CMIP: variants seen among roughly 807,000 people sequenced by gnomAD.
The protein encoded by CMIP is c-Maf inducing protein, also known as C-Maf-inducing protein.
In CMIP, 13 loss-of-function variants were observed where a neutral mutation model predicts 97.3. That is an observed-to-expected ratio of 0.13 (90% confidence interval 0.09 to 0.21). The LOEUF (loss-of-function observed/expected upper bound fraction) is 0.21. CMIP is among the 10% of genes least tolerant of loss of function. The pLI, the probability that CMIP is intolerant of heterozygous loss-of-function variation, is 1.00. For synonymous variants in CMIP, 538 were observed against 436.3 expected (o/e 1.23, Z -2.91); for missense variants, 847 against 1,024.9 (o/e 0.83, Z 2.37).
At chr16:81,451,290 C>T (rs562616073) in intron 1 of CMIP, among the ~76,000 whole-genome samples, 50 of 152,298 alleles carry the variant, frequency 3.3e-4, no homozygotes, top group Admixed American at 1.2e-3. Flanking sequence ...AAACCCGTTT[C>T]GCCTAGCTCT....
intron 1 of CMIP, among the ~76,000 whole-genome samples, chr16:81,478,870 C>T (rs1422140715): frequency 6.6e-6 from 1 of 152,138 alleles, no homozygotes; most frequent in Non-Finnish European, 1.5e-5. Flanking sequence ...GGTCTTTCTT[C>T]CCCACCTCCC....
At chr16:81,507,055 A>G (rs1351435423) in intron 1 of CMIP, among the ~76,000 whole-genome samples, 2 of 152,170 alleles carry the variant, frequency 1.3e-5, no homozygotes, top group African/African-American at 2.4e-5. Flanking sequence ...GATCGAGACC[A>G]TCCTGGCTAA....
chr16:81,670,990 G>A (rs1271321933), intron 8 of CMIP, among the ~76,000 whole-genome samples: 1 of 152,038 alleles, frequency 6.6e-6, no homozygotes, highest in Non-Finnish European at 1.5e-5. Flanking sequence ...TACGACTCCT[G>A]GCTAATTTTT....
chr16:81,611,324 G>C (rs568240148), intron 2 of CMIP: 1 of 152,356 alleles, frequency 6.6e-6, no homozygotes, highest in South Asian at 2.1e-4. Context: ...AATCACGTCA[G>C]ATCACAGGGG....
At chr16:81,590,432 G>C (rs769039765) in intron 1 of CMIP, among the ~76,000 whole-genome samples, 1 of 152,158 alleles carries the variant, frequency 6.6e-6, no homozygotes, top group African/African-American at 2.4e-5. Flanking sequence ...CACCTTGTCC[G>C]GGGTCCTGGC....
chr16:81,698,829 G>T (rs1388671596), intron 14 of CMIP, among the ~76,000 whole-genome samples: 3 of 152,134 alleles, frequency 2.0e-5, no homozygotes, highest in Non-Finnish European at 4.4e-5. Context: ...TCCCTATCCA[G>T]GTACCTCATG....
intron 10 of CMIP, among the ~76,000 whole-genome samples, chr16:81,690,086 C>G (rs559800740): frequency 4.6e-5 from 7 of 152,074 alleles, no homozygotes; most frequent in African/African-American, 1.4e-4. Flanking sequence ...AGTCAGGTAG[C>G]GTGATGCCTC....
intron 1 of CMIP, among the ~76,000 whole-genome samples, chr16:81,450,208 A>G (rs932301412): frequency 2.6e-5 from 4 of 152,154 alleles, no homozygotes; most frequent in Admixed American, 6.5e-5. Context: ...AAGGTACCCA[A>G]TTGGTGTTTT....
At chr16:81,585,289 C>T (rs906162886) in intron 1 of CMIP, among the ~76,000 whole-genome samples, 23 of 152,134 alleles carry the variant, frequency 1.5e-4, no homozygotes, top group Admixed American at 6.5e-4. Context: ...TGCAGTGAGC[C>T]GAGATTGTGC....
intron 1 of CMIP, among the ~76,000 whole-genome samples, chr16:81,564,525 A>G (rs2090944617): frequency 6.6e-6 from 1 of 152,314 alleles, no homozygotes; most frequent in South Asian, 2.1e-4. Flanking sequence ...AAGAAGGAAA[A>G]TAAGAGAATG....
intron 1 of CMIP, among the ~76,000 whole-genome samples, chr16:81,598,107 G>C (rs1357833441): frequency 6.6e-6 from 1 of 152,184 alleles, no homozygotes; most frequent in East Asian, 1.9e-4. Context: ...TGACCACAAG[G>C]CTGGCTGGGA....
chr16:81,608,963 G>A (rs1354546284), intron 2 of CMIP, among the ~76,000 whole-genome samples: 1 of 152,106 alleles, frequency 6.6e-6, no homozygotes. Flanking sequence ...TAACAGCATT[G>A]GGCTGAGAGT....
intron 2 of CMIP, chr16:81,620,655 T>C: frequency 1.8e-6 from 1 of 544,440 alleles, no homozygotes; most frequent in South Asian, 2.1e-5. Context: ...CACACGGTGC[T>C]AGTGATGTCT....
At chr16:81,636,391 T>G (rs923047810) in intron 3 of CMIP, among the ~76,000 whole-genome samples, 4 of 151,980 alleles carry the variant, frequency 2.6e-5, no homozygotes, top group African/African-American at 9.7e-5. Flanking sequence ...AAGACCAGCC[T>G]GGTCAATGTG....
chr16:81,709,246 T>C (rs1192210516), intron 20 of CMIP, among the ~76,000 whole-genome samples: 1 of 152,168 alleles, frequency 6.6e-6, no homozygotes, highest in African/African-American at 2.4e-5. Flanking sequence ...CATTCTCTGA[T>C]AACGATGAGA....
chr16:81,540,643 A>AGTGTGTGTGTGTGTGTGTGT (rs67286788), intron 1 of CMIP, among the ~76,000 whole-genome samples: 1 of 141,876 alleles, frequency 7.0e-6, no homozygotes, highest in African/African-American at 2.7e-5. Context: ...TCTTGTTTTG[A>AGTGTGTGTGTGTGTGTGTGT]GTGTGTGTGT....
intron 1 of CMIP, among the ~76,000 whole-genome samples, chr16:81,508,890 C>T (rs553612898): frequency 1.3e-5 from 2 of 152,188 alleles, no homozygotes; most frequent in East Asian, 1.9e-4. Context: ...TTGGGAAGTA[C>T]TTAGGAGAGC....
intron 1 of CMIP, among the ~76,000 whole-genome samples, chr16:81,522,475 G>T (rs1283203374): frequency 6.6e-6 from 1 of 152,218 alleles, no homozygotes; most frequent in Non-Finnish European, 1.5e-5. Flanking sequence ...TTTGTTAGAA[G>T]GGTGCCATTT....
At chr16:81,610,494 G>A (rs754853940) in intron 2 of CMIP, 61 of 985,538 alleles carry the variant, frequency 6.2e-5, no homozygotes, top group African/African-American at 1.7e-5. Context: ...AGCTAATGAG[G>A]GAGCAGCAGA....
Sources: allele counts gnomAD v4.1 joint callset (sites outside exome capture counted in the v4.1 genomes callset), GRCh38; gene constraint gnomAD v4.1.1; transcripts MANE v1.5; gene names NCBI Gene and HGNC (gene_info 2026-07-23, HGNC 2026-07-21).